Variants in DLGAP1 observed in about 807,000 individuals in gnomAD.
DLGAP1 encodes the protein disks large-associated protein 1.
DLGAP1 carries 11 observed loss-of-function variants against 90.8 expected under a neutral mutation model. The ratio of observed to expected loss-of-function variants is 0.12; its 90% CI spans 0.08 to 0.20. DLGAP1 has a LOEUF of 0.20. Among genes scored for constraint, DLGAP1 ranks in the 10% least tolerant of loss-of-function variants. DLGAP1 has a pLI of 1.00. For missense variants in DLGAP1, 1,050 were observed against 1,333.8 expected (o/e 0.79, Z 3.31); for synonymous variants, 558 against 540.7 (o/e 1.03, Z -0.44).
rs976585333 is a variant in DLGAP1, at chr18:3,663,246, G to A, written c.1591+65889C>T. Among the ~76,000 whole-genome samples, 6 of 151,954 alleles carry A rather than the reference G, an allele frequency of 3.9e-5. No individual in the cohort carries two copies. In the East Asian group the frequency reaches 7.7e-4, roughly 20 times the overall value. ...AGATCATGCCATTGTACTTCAGCCT[G>A]GGCAAGGAGAGCAAGACTCCCCCTA... On this transcript the variant is annotated intron_variant, in intron 7 of 12. Coordinates refer to ENST00000315677, the MANE Select transcript of DLGAP1 (RefSeq NM_004746.4).
At chr18:4,430,038 T>C (rs1337060945) in intron 1 of DLGAP1, among the ~76,000 whole-genome samples, 5 of 152,236 alleles carry the variant, frequency 3.3e-5, no homozygotes, top group Middle Eastern at 3.4e-3. Flanking sequence ...ATGCATGTAA[T>C]GGTAAAACGA....
intron 4 of DLGAP1, among the ~76,000 whole-genome samples, chr18:3,820,906 G>T (rs1030898808): frequency 2.0e-5 from 3 of 152,182 alleles, no homozygotes; most frequent in African/African-American, 7.2e-5. Flanking sequence ...ATGAGCTAGG[G>T]GCAGTGCCTA....
At chr18:4,331,601 T>C (rs1299466398) in intron 1 of DLGAP1, among the ~76,000 whole-genome samples, 1 of 151,760 alleles carries the variant, frequency 6.6e-6, no homozygotes, top group African/African-American at 2.4e-5. Context: ...TCCCTTCCCA[T>C]TGCACTTCGA....
intron 4 of DLGAP1, among the ~76,000 whole-genome samples, chr18:3,873,779 C>A (rs1342953106): frequency 6.6e-6 from 1 of 152,148 alleles, no homozygotes; most frequent in Admixed American, 6.5e-5. Context: ...AAAGAGCAAT[C>A]ATCATAAATG....
At chr18:4,357,184 C>T (rs1196472665) in intron 1 of DLGAP1, among the ~76,000 whole-genome samples, 1 of 129,808 alleles carries the variant, frequency 7.7e-6, no homozygotes, top group Admixed American at 8.4e-5. Context: ...TTGACAGGCT[C>T]ACTCTGTGGC....
chr18:3,949,549 G>A, intron 3 of DLGAP1, among the ~76,000 whole-genome samples: 1 of 152,182 alleles, frequency 6.6e-6, no homozygotes, highest in Middle Eastern at 3.4e-3. Context: ...CGTGATGTGG[G>A]TTCTGCCTTC....
At chr18:4,361,937 T>C (rs2081638878) in intron 1 of DLGAP1, among the ~76,000 whole-genome samples, 1 of 152,144 alleles carries the variant, frequency 6.6e-6, no homozygotes, top group South Asian at 2.1e-4. Flanking sequence ...TAGATAGACA[T>C]TTCTCCAAGG....
At chr18:3,550,939 A>G (rs1236922133) in intron 9 of DLGAP1, among the ~76,000 whole-genome samples, 2 of 151,540 alleles carry the variant, frequency 1.3e-5, no homozygotes, top group African/African-American at 4.9e-5. Flanking sequence ...ACAGGGTTTC[A>G]CCATGTTGGC....
intron 3 of DLGAP1, among the ~76,000 whole-genome samples, chr18:3,960,372 T>C (rs1031840491): frequency 3.3e-5 from 5 of 152,122 alleles, no homozygotes; most frequent in Non-Finnish European, 7.4e-5. Context: ...CCACACTTTA[T>C]AGAGTGCCTC....
At chr18:3,924,373 C>T (rs2072334502) in intron 3 of DLGAP1, among the ~76,000 whole-genome samples, 1 of 152,164 alleles carries the variant, frequency 6.6e-6, no homozygotes, top group Admixed American at 6.5e-5. Flanking sequence ...TAGGTCCACA[C>T]CCTCCACTTC....
chr18:4,032,612 T>G (rs991981322), intron 2 of DLGAP1, among the ~76,000 whole-genome samples: 3 of 152,020 alleles, frequency 2.0e-5, no homozygotes, highest in Admixed American at 6.6e-5. Flanking sequence ...CCTAGAGAGT[T>G]TCTACAGCAG....
At chr18:4,448,098 G>C (rs568582673) in intron 1 of DLGAP1, among the ~76,000 whole-genome samples, 1 of 152,022 alleles carries the variant, frequency 6.6e-6, no homozygotes, top group African/African-American at 2.4e-5. Context: ...TCTGAAAGTC[G>C]GTCCTTCTTC....
At chr18:3,560,090 G>A (rs28377544) in intron 9 of DLGAP1, among the ~76,000 whole-genome samples, 52,091 of 151,760 alleles carry the variant, frequency 0.34, 10,833 homozygotes, top group East Asian at 0.64. Flanking sequence ...TTTGCTATTA[G>A]TATTTTGAAC....
At chr18:4,144,115 T>C (rs1451318744) in intron 2 of DLGAP1, among the ~76,000 whole-genome samples, 2 of 152,166 alleles carry the variant, frequency 1.3e-5, no homozygotes, top group African/African-American at 4.8e-5. Context: ...TGTCAGCTGG[T>C]GTCCGACTAG....
intron 2 of DLGAP1, among the ~76,000 whole-genome samples, chr18:4,091,572 T>C (rs2075773488): frequency 6.6e-6 from 1 of 152,262 alleles, no homozygotes; most frequent in South Asian, 2.1e-4. Context: ...TCTCCTTTTT[T>C]ACTCTTTTCT....
rs1385589753 is a variant in DLGAP1 at position 4,084,703 on chromosome 18, T to C, written c.-159+66477A>G. Among the ~76,000 whole-genome samples, 1 of 152,172 alleles carries C rather than the reference T, an allele frequency of 6.6e-6. No homozygotes were observed. Among genetic ancestry groups the C allele is most frequent in the Non-Finnish European group, 1.5e-5 (1 of 68,024 alleles). ...ATCTACTTATTTACCAAACTTAGCA[T>C]AAAAATACATGGGGTTACTTATTTC... On this transcript the variant is annotated intron_variant, in intron 2 of 12. Coordinates refer to ENST00000315677, the MANE Select transcript of DLGAP1 (RefSeq NM_004746.4). The surrounding 1 kb of genome is among the most constrained non-coding windows in gnomAD (Gnocchi z 4.0).
chr18:3,502,399 T>C (rs1306359214), intron 12 of DLGAP1, 94 bp downstream of exon 12: 5 of 1,552,214 alleles, frequency 3.2e-6, no homozygotes, highest in East Asian at 4.5e-5. Context: ...CATTTCACAT[T>C]GTAAACAGCA....
intron 10 of DLGAP1, among the ~76,000 whole-genome samples, chr18:3,531,333 A>G (rs2051988978): frequency 2.0e-5 from 3 of 152,062 alleles, no homozygotes; most frequent in African/African-American, 7.2e-5. Context: ...GCTACTCAGG[A>G]GGCTGAGGCA....
At chr18:3,675,597 C>T (rs371525017) in intron 7 of DLGAP1, among the ~76,000 whole-genome samples, 7 of 152,238 alleles carry the variant, frequency 4.6e-5, no homozygotes, top group African/African-American at 7.2e-5. Context: ...TTTTGTTTCC[C>T]GCATTCCTAT....
Sources: gnomAD v4.1 joint callset for allele counts (sites outside exome capture counted in the v4.1 genomes callset) on GRCh38, gnomAD v4.1.1 for gene constraint, Gnocchi (gnomAD v3.1) non-coding constraint, MANE v1.5 for transcripts, NCBI Gene and HGNC (gene_info 2026-07-23, HGNC 2026-07-21) for gene names.